The following SEMA6D variants were observed in gnomAD, a reference collection of about 807,000 sequenced individuals.
SEMA6D encodes the protein semaphorin 6D.
A neutral mutation model predicts 106.6 loss-of-function variants in SEMA6D; 35 were observed. That is an observed-to-expected ratio of 0.33 (90% CI 0.25 to 0.44). The LOEUF is 0.44. Among genes scored for constraint, SEMA6D ranks in the 20% least tolerant of loss-of-function variants. The pLI, the probability that SEMA6D is intolerant of heterozygous loss-of-function variation, is 1.00. For synonymous variants in SEMA6D, 499 were observed against 487.7 expected, an observed-to-expected ratio of 1.02 and a Z score of -0.31; for missense variants, 1,185 against 1,345.9, an observed-to-expected ratio of 0.88 and a Z score of 1.87.
At chr15:47,428,901 A>G (rs2041432789) in intron 2 of SEMA6D, among the ~76,000 whole-genome samples, 1 of 151,958 alleles carries the variant, frequency 6.6e-6, no homozygotes, top group Non-Finnish European at 1.5e-5. Context: ...ATAGAAAAGA[A>G]AAGAAGTGGA....
intron 1 of SEMA6D, among the ~76,000 whole-genome samples, chr15:47,203,950 T>G (rs1383428902): frequency 6.6e-6 from 1 of 152,182 alleles, no homozygotes; most frequent in Non-Finnish European, 1.5e-5. Flanking sequence ...ATGGCATAGA[T>G]AATACAAAAT....
chr15:47,389,029 C>T (rs974206719), intron 1 of SEMA6D, among the ~76,000 whole-genome samples: 2 of 151,984 alleles, frequency 1.3e-5, no homozygotes, highest in Admixed American at 6.5e-5. Context: ...TGTTTTTTTT[C>T]TGCGGGTCCA....
intron 4 of SEMA6D, among the ~76,000 whole-genome samples, chr15:47,665,420 A>G (rs2145272096): frequency 6.6e-6 from 1 of 152,144 alleles, no homozygotes; most frequent in East Asian, 1.9e-4. Context: ...TAAGCTTTTC[A>G]GGAAGCCAGA....
chr15:47,611,401 A>G (rs550576714), intron 4 of SEMA6D, among the ~76,000 whole-genome samples: 14 of 152,212 alleles, frequency 9.2e-5, no homozygotes, highest in Non-Finnish European at 1.5e-4. Context: ...AAATGGGAAA[A>G]TAGTCACAAT....
intron 1 of SEMA6D, among the ~76,000 whole-genome samples, chr15:47,219,577 A>G (rs954401697): frequency 2.6e-5 from 4 of 152,064 alleles, no homozygotes; most frequent in South Asian, 2.1e-4. Flanking sequence ...TTCATTCTCT[A>G]CTTCCTGTCA....
In SEMA6D at chr15:47,379,330, C is replaced by A. The variant is rs74840458; in HGVS notation, c.-238-33063C>A. Among the ~76,000 whole-genome samples the A allele has an allele frequency of 5.9e-5, 9 of 152,204 alleles. No individual in the cohort carries two copies. In the East Asian group the frequency reaches 1.7e-3, roughly 29 times the overall value. On this transcript the variant is annotated intron_variant, in intron 1 of 19. Transcript: ENST00000558014. ...TTATTTAATCCATTCAATTAAATCT[C>A]TAAAATAATAGGTCAGTAAAGATAC...
At chr15:47,256,659 G>C (rs1019659752) in intron 1 of SEMA6D, among the ~76,000 whole-genome samples, 2 of 152,096 alleles carry the variant, frequency 1.3e-5, no homozygotes, top group African/African-American at 4.8e-5. Flanking sequence ...AGGAGTTCGA[G>C]ACCAGCCTGA....
At chr15:47,711,982 AAACAGT>A (rs2079032614) in intron 4 of SEMA6D, among the ~76,000 whole-genome samples, 1 of 152,224 alleles carries the variant, frequency 6.6e-6, no homozygotes, top group African/African-American at 2.4e-5. Flanking sequence ...ATATGGGCCT[AAACAGT>A]AATTGAAACA....
At chr15:47,554,208 C>CA (rs1320274634) in intron 3 of SEMA6D, among the ~76,000 whole-genome samples, 3 of 152,208 alleles carry the variant, frequency 2.0e-5, no homozygotes, top group Non-Finnish European at 4.4e-5. Flanking sequence ...GATCTGAACT[C>CA]AGACACTCTA....
chr15:47,406,780 A>AG (rs1245980870), intron 1 of SEMA6D, among the ~76,000 whole-genome samples: 2 of 145,066 alleles, frequency 1.4e-5, no homozygotes, highest in African/African-American at 5.0e-5. Context: ...CTCACCACCA[A>AG]AAAAAAAAAA....
At chr15:47,198,273 A>G (rs879450348) in intron 1 of SEMA6D, among the ~76,000 whole-genome samples, 8 of 152,160 alleles carry the variant, frequency 5.3e-5, no homozygotes, top group Non-Finnish European at 8.8e-5. Flanking sequence ...ACAAATGGTG[A>G]CGATAGTTAA....
At chr15:47,488,085 C>T (rs965580582) in intron 3 of SEMA6D, among the ~76,000 whole-genome samples, 4 of 152,104 alleles carry the variant, frequency 2.6e-5, no homozygotes, top group Admixed American at 6.6e-5. Flanking sequence ...CTATTCTGTC[C>T]TGTTCATCTG....
intron 4 of SEMA6D, among the ~76,000 whole-genome samples, chr15:47,680,358 C>G (rs538550011): frequency 1.3e-5 from 2 of 152,286 alleles, no homozygotes; most frequent in African/African-American, 4.8e-5. Context: ...ACTTTCCTCA[C>G]CAGATTTCTC....
chr15:47,304,426 TTC>T (rs2036146403), intron 1 of SEMA6D, among the ~76,000 whole-genome samples: 1 of 108,616 alleles, frequency 9.2e-6, no homozygotes, highest in Non-Finnish European at 1.6e-5. Context: ...AGCCTGAGCC[TTC>T]TAACTAAAAA....
intron 3 of SEMA6D, among the ~76,000 whole-genome samples, chr15:47,510,900 A>G (rs1358895624): frequency 6.6e-6 from 1 of 152,222 alleles, no homozygotes; most frequent in African/African-American, 2.4e-5. Flanking sequence ...AAAGGGATGA[A>G]TAAGTTCCAT....
intron 1 of SEMA6D, among the ~76,000 whole-genome samples, chr15:47,387,749 C>T (rs550123248): frequency 9.2e-5 from 14 of 152,204 alleles, no homozygotes; most frequent in East Asian, 3.9e-4. Flanking sequence ...AAGATTTGTG[C>T]GCTCAACAAA....
At chr15:47,482,048 A>G (rs906362543) in intron 3 of SEMA6D, among the ~76,000 whole-genome samples, 2 of 152,162 alleles carry the variant, frequency 1.3e-5, no homozygotes, top group African/African-American at 4.8e-5. Context: ...CAAGGAAAAC[A>G]GTCAGATTCT....
intron 1 of SEMA6D, chr15:47,359,312 A>G (rs1302776475): frequency 6.6e-6 from 1 of 152,172 alleles, no homozygotes; most frequent in Admixed American, 6.5e-5. Context: ...GTCTTAAATA[A>G]TTAATTTTTA....
intron 1 of SEMA6D, among the ~76,000 whole-genome samples, chr15:47,202,122 A>G (rs1894765328): frequency 6.6e-6 from 1 of 152,038 alleles, no homozygotes; most frequent in Admixed American, 6.6e-5. Flanking sequence ...CGATATCATT[A>G]TGTTACAGTA....
Sources: gnomAD v4.1 joint callset for allele counts (sites outside exome capture counted in the v4.1 genomes callset) on GRCh38, gnomAD v4.1.1 for gene constraint, MANE v1.5 for transcripts, NCBI Gene and HGNC (gene_info 2026-07-23, HGNC 2026-07-21) for gene names.